Variants in RUNX1 observed in about 807,000 individuals in gnomAD.
The protein encoded by RUNX1 is RUNX family transcription factor 1.
In RUNX1, 19 loss-of-function variants were observed where a neutral mutation model predicts 42.8. The ratio of observed to expected loss-of-function variants is 0.44; its 90% confidence interval spans 0.31 to 0.65. RUNX1 has a LOEUF of 0.65. Among genes scored for constraint, RUNX1 ranks in the 30% least tolerant of loss-of-function variants. The probability of loss-of-function intolerance (pLI) is 0.07; values close to 1 mark genes in which losing one functional copy is unlikely to be tolerated. For missense variants in RUNX1, 528 were observed against 672.0 expected (o/e 0.79, Z 2.37); for synonymous variants, 271 against 289.4 (o/e 0.94, Z 0.64).
chr21:35,047,561 A>ACACACACACTCT (rs1428982623), intron 2 of RUNX1, among the ~76,000 whole-genome samples: 1 of 46,760 alleles, frequency 2.1e-5, no homozygotes, highest in Admixed American at 2.5e-4. Context: ...ACACACACAC[A>ACACACACACTCT]CTCTCTCTCT....
chr21:34,918,259 T>TGA, intron 2 of RUNX1, among the ~76,000 whole-genome samples: 1 of 151,876 alleles, frequency 6.6e-6, no homozygotes, highest in East Asian at 1.9e-4. Flanking sequence ...GCTCATGAGA[T>TGA]GAGAGATGCA....
At chr21:34,995,376 G>C (rs2058986264) in intron 2 of RUNX1, among the ~76,000 whole-genome samples, 1 of 144,852 alleles carries the variant, frequency 6.9e-6, no homozygotes, top group African/African-American at 2.5e-5. Context: ...AAAAAAAAAA[G>C]TATGACAACT....
Position 34,791,484 on chromosome 21 carries a change from A to G in RUNX1, c.*651T>C. ...AAACAACTACCCAAAAGTCCAAAAG[A>G]AAAGTTAAATAAAACTTAAAGAAAA... is the stretch of plus-strand genomic sequence containing the variant. On this transcript the variant is annotated 3_prime_UTR_variant, in exon 9 of 9. Coordinates refer to ENST00000675419, the MANE Select transcript of RUNX1 (RefSeq NM_001754.5). The G allele has an allele frequency of 4.3e-6, 1 of 232,620 alleles. No homozygotes were observed. Among genetic ancestry groups the G allele is most frequent in the East Asian group, 6.1e-5 (1 of 16,406 alleles). 14.4% of individuals were successfully genotyped at this position (232,620 alleles called of 1,614,324 possible). A position where few individuals can be genotyped will look rare whatever the true frequency, so the allele number is the denominator to read the frequency against.
At chr21:35,031,303 G>A (rs561775851) in intron 2 of RUNX1, among the ~76,000 whole-genome samples, 4 of 152,166 alleles carry the variant, frequency 2.6e-5, no homozygotes, top group African/African-American at 4.8e-5. Flanking sequence ...AGCCGAGATC[G>A]TGCCACTGCA....
At chr21:34,936,735 G>C (rs901082083) in intron 2 of RUNX1, among the ~76,000 whole-genome samples, 1 of 152,200 alleles carries the variant, frequency 6.6e-6, no homozygotes, top group Non-Finnish European at 1.5e-5. Context: ...TGCTGTAATT[G>C]CCGGCTGGAG....
chr21:35,038,944 A>T, intron 2 of RUNX1: 4 of 345,094 alleles, frequency 1.2e-5, no homozygotes, highest in South Asian at 8.7e-5. Context: ...TTGCCTAAGG[A>T]GCCAGGTGGG....
chr21:34,847,402 A>G (rs967827571), intron 6 of RUNX1, among the ~76,000 whole-genome samples: 10 of 152,196 alleles, frequency 6.6e-5, no homozygotes, highest in Non-Finnish European at 1.3e-4. Flanking sequence ...ACACGACGAG[A>G]TAATATCTAC....
chr21:34,892,018 A>G (rs1329290705), intron 3 of RUNX1, among the ~76,000 whole-genome samples: 1 of 152,244 alleles, frequency 6.6e-6, no homozygotes. Flanking sequence ...CAAAATATGC[A>G]TAAAGATGGG....
intron 2 of RUNX1, chr21:35,038,870 G>A: frequency 2.6e-6 from 1 of 384,182 alleles, no homozygotes; most frequent in South Asian, 1.9e-5. Context: ...GTGCACATTG[G>A]CTGTTGTGGT....
chr21:34,989,321 A>G (rs1382962748), intron 2 of RUNX1, among the ~76,000 whole-genome samples: 1 of 151,866 alleles, frequency 6.6e-6, no homozygotes, highest in Non-Finnish European at 1.5e-5. Flanking sequence ...AGATCTCTTT[A>G]TACTGATCTT....
intron 2 of RUNX1, among the ~76,000 whole-genome samples, chr21:34,924,835 C>T (rs9305558): frequency 0.14 from 21,490 of 152,152 alleles, 2,041 homozygotes; most frequent in African/African-American, 0.27. Flanking sequence ...TAAGATTCAG[C>T]TCTGGAGGGA....
intron 7 of RUNX1, among the ~76,000 whole-genome samples, chr21:34,825,210 T>C (rs530329415): frequency 6.6e-6 from 1 of 152,308 alleles, no homozygotes; most frequent in South Asian, 2.1e-4. Flanking sequence ...ATCCCAACTG[T>C]CTGGCTTTGG....
chr21:34,977,240 T>TC (rs1213675868), intron 2 of RUNX1, among the ~76,000 whole-genome samples: 2 of 152,196 alleles, frequency 1.3e-5, no homozygotes, highest in African/African-American at 4.8e-5. Context: ...GGTGTTGAAT[T>TC]CCCCACTGTA....
At chr21:34,904,601 C>T (rs1201221309) in intron 2 of RUNX1, among the ~76,000 whole-genome samples, 8 of 152,204 alleles carry the variant, frequency 5.3e-5, no homozygotes, top group African/African-American at 1.9e-4. Flanking sequence ...TCTTAAGTAA[C>T]TACATAGCAC....
chr21:34,870,082 AC>A (rs1374763820), intron 5 of RUNX1, among the ~76,000 whole-genome samples: 1 of 152,222 alleles, frequency 6.6e-6, no homozygotes, highest in East Asian at 1.9e-4. Context: ...GCCGCATATA[AC>A]CCTTTCACGA....
intron 2 of RUNX1, among the ~76,000 whole-genome samples, chr21:35,000,359 G>A (rs2059032164): frequency 6.7e-6 from 1 of 149,692 alleles, no homozygotes; most frequent in Non-Finnish European, 1.5e-5. Flanking sequence ...TCCTGCCTCA[G>A]CCTCCTGAGT....
In RUNX1 at chr21:35,025,859, C is replaced by T. The variant is rs922287372; in HGVS notation, c.58+22983G>A. ...AAACTCATATGGTTCTCTGCTAATT[C>T]TTAAAAATAAGGTAGATTCTTACTC... is the stretch of plus-strand genomic sequence containing the variant. On this transcript the variant is annotated intron_variant, in intron 2 of 8. Transcript: ENST00000675419. 3.3e-5 allele frequency among the ~76,000 whole-genome samples: 5 copies of T among 152,046 alleles called. No homozygotes were observed. In the East Asian group the frequency reaches 9.6e-4, roughly 29 times the overall value.
intron 3 of RUNX1, among the ~76,000 whole-genome samples, chr21:34,890,073 G>T (rs1349912256): frequency 6.6e-6 from 1 of 152,122 alleles, no homozygotes; most frequent in Non-Finnish European, 1.5e-5. Flanking sequence ...CCGCTGCCGC[G>T]CAGGGACTGT....
Position 34,792,113 on chromosome 21 carries a change from C to T in RUNX1, c.*22G>A. On this transcript the variant is annotated 3_prime_UTR_variant, in exon 9 of 9. Transcript: ENST00000675419. This position sits in a 1 kb window ranked among gnomAD's most constrained non-coding sequence, Gnocchi z 6.9. The stretch of plus-strand genomic sequence containing the variant: ...GGCGAAGGCGGCGGCCCGCGGGGCC[C>T]AGCCGGGCCAGGCCTGGCGCCTCAG... 1 of 1,357,882 alleles carries T rather than the reference C, an allele frequency of 7.4e-7. No individual in the cohort carries two copies. The highest frequency in any genetic ancestry group is 1.5e-5 in the African/African-American group (1 of 64,576). The allele number at this position is 1,357,882 out of a possible 1,614,324, so 84.1% of individuals were successfully genotyped here.
Sources: allele counts gnomAD v4.1 joint callset (sites outside exome capture counted in the v4.1 genomes callset), GRCh38; gene constraint gnomAD v4.1.1; non-coding constraint Gnocchi (gnomAD v3.1); transcripts MANE v1.5; gene names NCBI Gene and HGNC (gene_info 2026-07-23, HGNC 2026-07-21).